CNBD1: variants seen among roughly 807,000 people sequenced by gnomAD.
CNBD1 encodes cyclic nucleotide-binding domain-containing protein 1.
CNBD1 carries 71 observed loss-of-function variants against 54.4 expected under a neutral mutation model. The observed-to-expected ratio is 1.30, with a 90% confidence interval of 1.08 to 1.59. CNBD1 has a LOEUF of 1.59. Among genes scored for constraint, CNBD1 ranks in the 40% most tolerant of loss-of-function variants. CNBD1 has a pLI of 0.00. For missense variants in CNBD1, 659 were observed against 518.0 expected (o/e 1.27, Z -2.64); for synonymous variants, 182 against 170.7 (o/e 1.07, Z -0.51).
chr8:87,302,440 C>G (rs979895572), intron 8 of CNBD1, among the ~76,000 whole-genome samples: 12 of 135,946 alleles, frequency 8.8e-5, no homozygotes, highest in South Asian at 2.2e-4. Context: ...ATTCAACAAC[C>G]CTTCATGCTA....
intron 8 of CNBD1, among the ~76,000 whole-genome samples, chr8:87,319,378 T>G (rs1809470868): frequency 6.6e-6 from 1 of 152,142 alleles, no homozygotes; most frequent in South Asian, 2.1e-4. Flanking sequence ...ATGCCTTGCC[T>G]ATAGCAGTAA....
intron 8 of CNBD1, among the ~76,000 whole-genome samples, chr8:87,334,531 C>T (rs1809902014): frequency 6.6e-6 from 1 of 151,618 alleles, no homozygotes; most frequent in African/African-American, 2.4e-5. Context: ...ATAAATTTCC[C>T]TCTTAACAGT....
intron 4 of CNBD1, among the ~76,000 whole-genome samples, chr8:87,160,309 TA>T (rs1384330194): frequency 3.9e-5 from 6 of 152,010 alleles, no homozygotes; most frequent in African/African-American, 1.4e-4. Flanking sequence ...TATAGATTAT[TA>T]AAAAATAATA....
chr8:87,158,919 C>G (rs939040524), intron 4 of CNBD1, among the ~76,000 whole-genome samples: 4 of 152,032 alleles, frequency 2.6e-5, no homozygotes, highest in African/African-American at 4.8e-5. Flanking sequence ...ATCTCATTTT[C>G]CAAGCAATTT....
intron 8 of CNBD1, among the ~76,000 whole-genome samples, chr8:87,332,792 A>C (rs1214732982): frequency 6.6e-6 from 1 of 152,158 alleles, no homozygotes; most frequent in African/African-American, 2.4e-5. Context: ...CTTGTGGCAT[A>C]GTTTGAAGTC....
intron 4 of CNBD1, among the ~76,000 whole-genome samples, chr8:87,026,383 CCCTTTCTTT>C: frequency 6.7e-6 from 1 of 148,586 alleles, no homozygotes; most frequent in African/African-American, 2.5e-5. Flanking sequence ...CTCCCTTCTT[CCCTTTCTTT>C]CCTATTGCTA....
intron 6 of CNBD1, among the ~76,000 whole-genome samples, chr8:87,262,864 T>G (rs1808171191): frequency 6.6e-6 from 1 of 152,192 alleles, no homozygotes; most frequent in African/African-American, 2.4e-5. Context: ...TACTATGTGT[T>G]CATTTGGCAA....
chr8:86,934,689 A>G (rs1177171531), intron 3 of CNBD1, among the ~76,000 whole-genome samples: 1 of 152,214 alleles, frequency 6.6e-6, no homozygotes, highest in Non-Finnish European at 1.5e-5. Flanking sequence ...ACAAATAGAT[A>G]TTGAACCATA....
At chr8:86,963,363 C>T (rs903500968) in intron 4 of CNBD1, among the ~76,000 whole-genome samples, 5 of 152,184 alleles carry the variant, frequency 3.3e-5, no homozygotes, top group Admixed American at 2.0e-4. Flanking sequence ...TCATGCTCAC[C>T]TGCACTGTGC....
intron 4 of CNBD1, among the ~76,000 whole-genome samples, chr8:87,183,224 A>C (rs1240094563): frequency 6.6e-6 from 1 of 151,912 alleles, no homozygotes; most frequent in African/African-American, 2.4e-5. Context: ...GCACAGCTTT[A>C]TGTCTGGGCT....
At chr8:87,326,507 T>A (rs1809672265) in intron 8 of CNBD1, among the ~76,000 whole-genome samples, 1 of 120,290 alleles carries the variant, frequency 8.3e-6, no homozygotes. Context: ...TCATTTCTTT[T>A]TATTCTTTTT....
chr8:87,149,129 C>T (rs1812548966), intron 4 of CNBD1, among the ~76,000 whole-genome samples: 2 of 152,072 alleles, frequency 1.3e-5, no homozygotes, highest in African/African-American at 4.8e-5. Context: ...TCTTTTATTT[C>T]TTTCTGTACG....
intron 4 of CNBD1, among the ~76,000 whole-genome samples, chr8:87,080,466 C>A (rs540469389): frequency 1.3e-5 from 2 of 151,860 alleles, no homozygotes; most frequent in African/African-American, 4.8e-5. Context: ...CCTGTAATCC[C>A]AGCTGAGGGA....
At chr8:87,079,232 C>T (rs1161833402) in intron 4 of CNBD1, among the ~76,000 whole-genome samples, 1 of 151,818 alleles carries the variant, frequency 6.6e-6, no homozygotes, top group Non-Finnish European at 1.5e-5. Flanking sequence ...TATGATAATA[C>T]AATTTTTTTT....
In CNBD1 at chr8:86,917,839, C is replaced by A. The variant is rs868430679; in HGVS notation, c.272+12645C>A. The stretch of plus-strand genomic sequence containing the variant: ...AGTCCAGAAAAAGATATGAAATTTA[C>A]AGAAAATTGTTAAAACAGCCTTTAT... On this transcript the variant is annotated intron_variant, in intron 3 of 10. Transcript: ENST00000518476. Among the ~76,000 whole-genome samples, 3 of 152,064 alleles carry A rather than the reference C, an allele frequency of 2.0e-5. No individual in the cohort carries two copies. In the East Asian group the frequency reaches 5.8e-4, roughly 29 times the overall value.
intron 8 of CNBD1, among the ~76,000 whole-genome samples, chr8:87,329,397 C>T (rs1161086486): frequency 2.0e-5 from 3 of 152,072 alleles, no homozygotes; most frequent in Non-Finnish European, 4.4e-5. Flanking sequence ...TCTTTTGCCT[C>T]TCCATACACA....
chr8:87,390,059 A>C (rs924310280), intron 2 of CNBD1, among the ~76,000 whole-genome samples: 1 of 151,042 alleles, frequency 6.6e-6, no homozygotes, highest in Non-Finnish European at 1.5e-5. Flanking sequence ...AGAAAGCTGA[A>C]ACTGGATCCC....
intron 5 of CNBD1, among the ~76,000 whole-genome samples, chr8:87,222,228 G>A (rs1814355145): frequency 1.3e-5 from 2 of 152,092 alleles, no homozygotes; most frequent in African/African-American, 4.8e-5. Flanking sequence ...AAAAAAAAGA[G>A]TTGATCTTCA....
rs148242121 is a variant in CNBD1 at position 87,336,996 on chromosome 8, C to A, written c.1043-14689C>A. 6.8e-3 allele frequency among the ~76,000 whole-genome samples: 1,041 copies of A among 152,110 alleles called. 11 individuals carry two copies. Among genetic ancestry groups the A allele is most frequent in the African/African-American group, 0.024 (982 of 41,484 alleles). On this transcript the variant is annotated intron_variant, in intron 8 of 10. Transcript: ENST00000518476. Reference sequence around the variant, plus strand: ...GGTTTGCTGGGGGTTCACTTCAGGTCCTATTCATCTAGTTTACTCCCACAC... The same window carrying A: ...GGTTTGCTGGGGGTTCACTTCAGGTACTATTCATCTAGTTTACTCCCACAC...
Sources: allele counts gnomAD v4.1 joint callset (sites outside exome capture counted in the v4.1 genomes callset), GRCh38; gene constraint gnomAD v4.1.1; transcripts MANE v1.5; gene names NCBI Gene and HGNC (gene_info 2026-07-23, HGNC 2026-07-21).